The following CACNA1S variants were observed in gnomAD, a reference collection of about 807,000 sequenced individuals.
The protein encoded by CACNA1S is calcium voltage-gated channel subunit alpha1 S, also known as voltage-dependent L-type calcium channel subunit alpha-1S.
A neutral mutation model predicts 207.4 loss-of-function variants in CACNA1S; 126 were observed. The observed-to-expected ratio is 0.61, with a 90% CI of 0.53 to 0.70. The LOEUF (loss-of-function observed/expected upper bound fraction) is 0.70. Ranked by LOEUF, CACNA1S falls within the 30% of genes least tolerant of loss-of-function variation. CACNA1S has a pLI of 0.00. For missense variants in CACNA1S, 2,349 were observed against 2,422.8 expected (o/e 0.97, Z 0.64); for synonymous variants, 960 against 932.7 (o/e 1.03, Z -0.53).
intron 22 of CACNA1S, among the ~76,000 whole-genome samples, chr1:201,063,174 AT>A (rs1330210592): frequency 2.7e-5 from 4 of 150,664 alleles, no homozygotes; most frequent in Admixed American, 6.6e-5. Flanking sequence ...TTATTATAGA[AT>A]TTTTTTTAAA....
intron 34 of CACNA1S, among the ~76,000 whole-genome samples, chr1:201,049,613 T>C (rs143759388): frequency 2.0e-3 from 311 of 152,294 alleles, no homozygotes; most frequent in Non-Finnish European, 3.7e-3. Flanking sequence ...GAGTGTTGCC[T>C]GAGAAAAATC....
chr1:201,051,060 G>A lies in CACNA1S; in HGVS notation c.4037C>T (p.Pro1346Leu), dbSNP rs1370373504. ...KLCDPESDYA[P>L]GEEYTCGTNF... ...GGTGCCACATGTGTACTCCTCCCCT[G>A]GGGCATAGTCCGACTCTGGGTCACA... Residue 1346 changes from proline to leucine, a missense_variant, in exon 33 of 44, where the codon CCA becomes CTA. Physicochemically the swap from Pro to Leu is moderately conservative, Grantham distance 98. Coordinates refer to ENST00000362061, the MANE Select transcript of CACNA1S (RefSeq NM_000069.3). 6.2e-7 allele frequency: 1 copy of A among 1,614,168 alleles called. No homozygotes were observed. Among genetic ancestry groups the A allele is most frequent in the South Asian group, 1.1e-5 (1 of 91,086 alleles).
At chr1:201,092,144 C>G in intron 3 of CACNA1S, 30 bp from the exon 4 acceptor site, 1 of 1,613,946 alleles carries the variant, frequency 6.2e-7, no homozygotes, top group Non-Finnish European at 8.5e-7. Flanking sequence ...GAGAGGGGGT[C>G]CAGGGGTTGG....
intron 12 of CACNA1S, among the ~76,000 whole-genome samples, 194 bp from the exon 13 acceptor site, chr1:201,075,809 C>G (rs534094438): frequency 3.0e-4 from 46 of 152,192 alleles, no homozygotes; most frequent in Non-Finnish European, 5.9e-4. Context: ...TGGCTCACGC[C>G]TGTTACTTAT....
intron 41 of CACNA1S, 38 bp from the exon 42 acceptor site, chr1:201,040,751 G>A (rs898869038): frequency 6.4e-7 from 1 of 1,550,870 alleles, no homozygotes; most frequent in East Asian, 2.3e-5. Context: ...AGGGGCTGCT[G>A]ACTCCTGCCA....
intron 22 of CACNA1S, among the ~76,000 whole-genome samples, chr1:201,064,795 T>G (rs1241166881): frequency 6.6e-6 from 1 of 152,204 alleles, no homozygotes; most frequent in Non-Finnish European, 1.5e-5. Context: ...AGGAACTGAA[T>G]AGCTGTGTTC....
In CACNA1S at chr1:201,051,135, G is replaced by A. The variant is rs775654393; in HGVS notation, c.3962C>T (p.Thr1321Ile). 3 of 1,614,204 alleles carry A rather than the reference G, an allele frequency of 1.9e-6. No individual in the cohort carries two copies. The highest frequency in any genetic ancestry group is 1.7e-5 in the Admixed American group (1 of 60,022). The change falls in exon 33 of 44, where the codon ACA becomes ATA. Residue 1321 changes from threonine (T) to isoleucine (I), a missense_variant. Thr to Ile is a moderately conservative substitution (Grantham distance 89, BLOSUM62 -1). Transcript: ENST00000362061. The stretch of plus-strand genomic sequence containing the variant: ...TAGGATCTCCTGCCAGGCCTCACCT[G>A]TTGCACACCTAGAGGACAGAAGAGG... ...QAVLLLFRCA[T>I]GEAWQEILLA... is the part of the protein sequence containing the mutation.
intron 22 of CACNA1S, among the ~76,000 whole-genome samples, chr1:201,062,980 C>T (rs1299774876): frequency 6.6e-6 from 1 of 152,206 alleles, no homozygotes; most frequent in Non-Finnish European, 1.5e-5. Context: ...CATCCTCCTG[C>T]CAGTGGGGCG....
At chr1:201,084,125 G>A (rs947024283) in intron 9 of CACNA1S, among the ~76,000 whole-genome samples, 1 of 152,012 alleles carries the variant, frequency 6.6e-6, no homozygotes, top group Admixed American at 6.5e-5. Context: ...AAAAAGGTAA[G>A]TAACTAGATA....
Position 201,069,541 on chromosome 1 carries a change from G to GAGCAA in CACNA1S, c.2420_2421insTTGCT (p.Phe808CysfsTer22). 1 of 1,582,994 alleles carries GAGCAA rather than the reference G, an allele frequency of 6.3e-7. No homozygotes were observed. On this transcript the variant is annotated frameshift_variant, in exon 18 of 44. Coordinates refer to ENST00000362061, the MANE Select transcript of CACNA1S (RefSeq NM_000069.3). LOFTEE classifies it high-confidence loss of function. ...GTGCAGCGCTGCTGAGCAGGATGAAGAGCAGGATGAAGTTGGTAAACCAGG... is the reference window on the plus strand; with the variant it reads ...GTGCAGCGCTGCTGAGCAGGATGAAGAGCAAAGCAGGATGAAGTTGGTAAACCAGG...
chr1:201,072,830 G>A lies in CACNA1S; in HGVS notation c.2158-6C>T. Reference sequence around the variant, plus strand: ...TCAAACTCATCGATTTTCAGCTGTAGGAAGGAACACAATGACTATAACAAT... The same window carrying A: ...TCAAACTCATCGATTTTCAGCTGTAAGAAGGAACACAATGACTATAACAAT... On this transcript the variant is annotated splice_polypyrimidine_tract_variant and splice_region_variant and intron_variant, in intron 15 of 43. Coordinates refer to ENST00000362061, the MANE Select transcript of CACNA1S (RefSeq NM_000069.3). 1 of 1,611,258 alleles carries A rather than the reference G, an allele frequency of 6.2e-7. No homozygotes were observed. Among genetic ancestry groups the A allele is most frequent in the Non-Finnish European group, 8.5e-7 (1 of 1,177,426 alleles).
At chr1:201,111,922 T>TCCTCCTCCTCTTCCTCCTCCTCCTCCAC (rs1663120201) in intron 1 of CACNA1S, among the ~76,000 whole-genome samples, 1 of 21,230 alleles carries the variant, frequency 4.7e-5, no homozygotes, top group African/African-American at 2.1e-4. Context: ...TTCCTCTTCC[T>TCCTCCTCCTCTTCCTCCTCCTCCTCCAC]CCTCCTCCTC....
At chr1:201,051,785 C>T (rs1223711810) in intron 32 of CACNA1S, among the ~76,000 whole-genome samples, 1 of 152,214 alleles carries the variant, frequency 6.6e-6, no homozygotes, top group Non-Finnish European at 1.5e-5. Context: ...TGTCTCATTT[C>T]AGCTAGCTCC....
At chr1:201,052,915 A>G (rs1660704968) in intron 31 of CACNA1S, among the ~76,000 whole-genome samples, 1 of 151,798 alleles carries the variant, frequency 6.6e-6, no homozygotes, top group East Asian at 1.9e-4. Flanking sequence ...TGTGTGGGGG[A>G]AGTGCTCTCA....
Position 201,054,488 on chromosome 1 carries a change from G to T in CACNA1S, c.3666+17C>A, listed in dbSNP as rs372264339. On this transcript the variant is annotated intron_variant, in intron 29 of 43. Coordinates refer to ENST00000362061, the MANE Select transcript of CACNA1S (RefSeq NM_000069.3). ...GCTGGTGAGCGTGCCAGGCAGGCTCGTGCAGCCTGAAATTACAACGTTCCC... is the reference window on the plus strand; with the variant it reads ...GCTGGTGAGCGTGCCAGGCAGGCTCTTGCAGCCTGAAATTACAACGTTCCC... The T allele has an allele frequency of 1.6e-5, 26 of 1,611,082 alleles. No individual in the cohort carries two copies. The African/African-American group carries it at 3.2e-4, about 20-fold the overall frequency.
chr1:201,039,774 C>T lies in CACNA1S; in HGVS notation c.*57G>A. 1 of 1,598,978 alleles carries T rather than the reference C, an allele frequency of 6.3e-7. No homozygotes were observed. The highest frequency in any genetic ancestry group is 1.1e-5 in the South Asian group (1 of 90,964). The stretch of plus-strand genomic sequence containing the variant: ...GGCTAGCCCTTCTCCACCCCAGCAA[C>T]TTCCCCACCCCCATTGGTCATGCCA... On this transcript the variant is annotated 3_prime_UTR_variant, in exon 44 of 44. Transcript: ENST00000362061.
intron 22 of CACNA1S, 144 bp downstream of exon 22, chr1:201,065,694 C>G: frequency 2.9e-6 from 2 of 687,038 alleles, no homozygotes; most frequent in Non-Finnish European, 5.4e-6. Flanking sequence ...TGGTGAAGAC[C>G]TATTTTTCAA....
intron 22 of CACNA1S, among the ~76,000 whole-genome samples, chr1:201,063,973 A>G (rs1051043774): frequency 1.3e-5 from 2 of 152,234 alleles, no homozygotes; most frequent in African/African-American, 2.4e-5. Flanking sequence ...TCAAATGCCA[A>G]CTGGAACTGT....
At chr1:201,110,352 G>A (rs1211544422) in intron 1 of CACNA1S, 83 bp from the exon 2 acceptor site, 1 of 1,161,732 alleles carries the variant, frequency 8.6e-7, no homozygotes, top group Non-Finnish European at 1.3e-6. Context: ...GGGTCAGTCT[G>A]GACTGTGACT....
Sources: gnomAD v4.1 joint callset for allele counts (sites outside exome capture counted in the v4.1 genomes callset) on GRCh38, gnomAD v4.1.1 for gene constraint, MANE v1.5 for transcripts, NCBI Gene and HGNC (gene_info 2026-07-23, HGNC 2026-07-21) for gene names.